Variants in ZNF483 observed in about 807,000 individuals in gnomAD.
ZNF483 encodes zinc finger protein 483, also known as zinc finger protein HIT-10.
A neutral mutation model predicts 28.6 loss-of-function variants in ZNF483; 9 were observed. The ratio of observed to expected loss-of-function variants is 0.32; its 90% CI spans 0.19 to 0.55. The LOEUF is 0.55. ZNF483 is among the 20% of genes least tolerant of loss of function. ZNF483 has a pLI of 0.93. For synonymous variants in ZNF483, 322 were observed against 306.2 expected (o/e 1.05, Z -0.54); for missense variants, 675 against 871.7 (o/e 0.77, Z 2.84).
chr9:111,547,552 T>C lies in ZNF483; in HGVS notation c.*4382T>C, dbSNP rs1827834953. The stretch of plus-strand genomic sequence containing the variant: ...TATATCCAGAATATATAAAGAACTT[T>C]TCAGATAAATGATTTGCAAATACTT... On this transcript the variant is annotated 3_prime_UTR_variant, in exon 6 of 6. Transcript: ENST00000309235. Among the ~76,000 whole-genome samples, 1 of 152,164 alleles carries C rather than the reference T, an allele frequency of 6.6e-6. No individual in the cohort carries two copies.
rs1828025615 is a variant in ZNF483 at position 111,553,298 on chromosome 9, T to C, written c.*10128T>C. On this transcript the variant is annotated 3_prime_UTR_variant, in exon 6 of 6. Transcript: ENST00000309235. ...TCTCTAGTCTTCTTGACTATGCCAG[T>C]TGTAGTACCAGCTTCTGTATCTGCA... Among the ~76,000 whole-genome samples, 1 of 152,222 alleles carries C rather than the reference T, an allele frequency of 6.6e-6. No homozygotes were observed. The highest frequency in any genetic ancestry group is 1.5e-5 in the Non-Finnish European group (1 of 68,040).
At chr9:111,573,436 G>T (rs1187408412) in intron 5 of ZNF483, among the ~76,000 whole-genome samples, 1 of 152,164 alleles carries the variant, frequency 6.6e-6, no homozygotes. Context: ...CAGTTGTGTG[G>T]TGGTTAACCA....
Position 111,547,867 on chromosome 9 carries a change from A to G in ZNF483, c.*4697A>G, listed in dbSNP as rs1227806297. Among the ~76,000 whole-genome samples, 1 of 152,100 alleles carries G rather than the reference A, an allele frequency of 6.6e-6. No individual in the cohort carries two copies. The highest frequency in any genetic ancestry group is 1.5e-5 in the Non-Finnish European group (1 of 67,994). ...GCGAATATCCAGTTTTCCCAGCCCCATCTGTTGAAGAGACTATCCTTTCCA... is the reference window on the plus strand; with the variant it reads ...GCGAATATCCAGTTTTCCCAGCCCCGTCTGTTGAAGAGACTATCCTTTCCA... On this transcript the variant is annotated 3_prime_UTR_variant, in exon 6 of 6. Coordinates refer to ENST00000309235, the MANE Select transcript of ZNF483 (RefSeq NM_133464.5).
intron 5 of ZNF483, chr9:111,564,274 AC>A: frequency 1.4e-6 from 1 of 729,590 alleles, no homozygotes; most frequent in Non-Finnish European, 1.8e-6. Flanking sequence ...TGAAATTTAA[AC>A]TTTTATTATT....
chr9:111,561,429 T>C (rs1328690801), intron 5 of ZNF483, among the ~76,000 whole-genome samples: 1 of 151,860 alleles, frequency 6.6e-6, no homozygotes, highest in Non-Finnish European at 1.5e-5. Context: ...GCACACACCA[T>C]GCCCAGCTAA....
In ZNF483 at chr9:111,543,668, A is replaced by C. The variant is rs1008436694; in HGVS notation, c.*498A>C. 5.6e-5 allele frequency: 55 copies of C among 981,546 alleles called. No individual in the cohort carries two copies. The African/African-American group carries it at 9.3e-4, about 17-fold the overall frequency. The allele number at this position is 981,546 out of a possible 1,614,324, so 60.8% of individuals were successfully genotyped here. A position where few individuals can be genotyped will look rare whatever the true frequency, so the allele number is the denominator to read the frequency against. On this transcript the variant is annotated 3_prime_UTR_variant, in exon 6 of 6. Coordinates refer to ENST00000309235, the MANE Select transcript of ZNF483 (RefSeq NM_133464.5). ...TTATTGGTATCCTGATAATCTCTGA[A>C]GCTGTGGACATAAGTTATTTTTTTT... is the stretch of plus-strand genomic sequence containing the variant.
In ZNF483 at chr9:111,552,537, C is replaced by T. The variant is rs537898956; in HGVS notation, c.*9367C>T. 7.9e-4 allele frequency among the ~76,000 whole-genome samples: 121 copies of T among 152,252 alleles called. No individual in the cohort carries two copies. The highest frequency in any genetic ancestry group is 2.6e-3 in the African/African-American group (108 of 41,562). On this transcript the variant is annotated 3_prime_UTR_variant, in exon 6 of 6. Coordinates refer to ENST00000309235, the MANE Select transcript of ZNF483 (RefSeq NM_133464.5). ...TGGAGTTCCATCCTTGTGATAGAAA[C>T]TAACTTTTCTGTCTCTAACTGAAAT...
chr9:111,561,269 GTTGTT>G (rs1453213734), intron 5 of ZNF483, among the ~76,000 whole-genome samples: 1 of 150,774 alleles, frequency 6.6e-6, no homozygotes, highest in African/African-American at 2.4e-5. Flanking sequence ...TGCTTTTGTT[GTTGTT>G]TTGTTTTTAA....
chr9:111,559,750 C>T (rs539576655), downstream of ZNF483, among the ~76,000 whole-genome samples: 7 of 152,334 alleles, frequency 4.6e-5, no homozygotes, highest in South Asian at 1.2e-3. Context: ...TCTCCCACCC[C>T]AAACCCCAGC....
chr9:111,563,760 C>T (rs79203838), intron 5 of ZNF483: 3,993 of 152,752 alleles, frequency 0.026, 99 homozygotes, highest in East Asian at 0.12. Flanking sequence ...CCTGCCTCGG[C>T]CTCCCAAAGT....
intron 5 of ZNF483, among the ~76,000 whole-genome samples, chr9:111,575,026 C>T (rs535337907): frequency 6.6e-6 from 1 of 152,300 alleles, no homozygotes; most frequent in East Asian, 1.9e-4. Context: ...TTCGGCCGGG[C>T]ACGGTGGCTT....
chr9:111,574,357 A>G (rs906816756), intron 5 of ZNF483: 1 of 153,150 alleles, frequency 6.5e-6, no homozygotes, highest in African/African-American at 2.4e-5. Flanking sequence ...TGTTTTTGTT[A>G]TTATTATTTT....
rs143136916 is a variant in ZNF483, at chr9:111,550,154, T to G, written c.*6984T>G. 8.0e-3 allele frequency among the ~76,000 whole-genome samples: 1,216 copies of G among 152,326 alleles called. 7 individuals are homozygous for G. Among genetic ancestry groups the G allele is most frequent in the Non-Finnish European group, 0.013 (904 of 68,022 alleles). On this transcript the variant is annotated 3_prime_UTR_variant, in exon 6 of 6. Coordinates refer to ENST00000309235, the MANE Select transcript of ZNF483 (RefSeq NM_133464.5). Reference sequence around the variant, plus strand: ...CCTGTGTTGAATGCCTAAAGTTGTCTCAATTCTTTACAGAGCCTGCGTTTT... The same window carrying G: ...CCTGTGTTGAATGCCTAAAGTTGTCGCAATTCTTTACAGAGCCTGCGTTTT...
chr9:111,542,711 A>G lies in ZNF483; in HGVS notation c.1776A>G (p.Ser592=), dbSNP rs777120066. The G allele has an allele frequency of 1.9e-5, 31 of 1,613,994 alleles. No individual in the cohort carries two copies. Among genetic ancestry groups the G allele is most frequent in the Non-Finnish European group, 1.5e-5 (18 of 1,179,964 alleles). The change falls in exon 6 of 6, where the codon TCA becomes TCG. Residue 592 remains serine (S), a synonymous_variant. Transcript: ENST00000309235. The surrounding 1 kb of genome is among the most constrained non-coding windows in gnomAD (Gnocchi z 6.2). ...GECGKAFRQN[S]CLTRHQRIHT... is the part of the protein sequence containing the mutation. ...GTGGAAAAGCCTTTAGGCAGAATTCATGCCTTACCCGGCATCAGAGAATTC... is the reference window on the plus strand; with the variant it reads ...GTGGAAAAGCCTTTAGGCAGAATTCGTGCCTTACCCGGCATCAGAGAATTC...
At chr9:111,571,650 T>C (rs1443248666) in intron 5 of ZNF483, among the ~76,000 whole-genome samples, 1 of 142,106 alleles carries the variant, frequency 7.0e-6, no homozygotes, top group African/African-American at 2.4e-5. Flanking sequence ...GCTAATTTTT[T>C]TTAGTTTTTG....
chr9:111,546,805 A>G lies in ZNF483; in HGVS notation c.*3635A>G, dbSNP rs1235159397. Among the ~76,000 whole-genome samples the G allele has an allele frequency of 2.0e-5, 3 of 152,208 alleles. No individual in the cohort carries two copies. Among genetic ancestry groups the G allele is most frequent in the East Asian group, 1.9e-4 (1 of 5,190 alleles). ...TCTCCAGAACTTTTTCATCATCCCA[A>G]ACTGAAACTCTGTACTCCTTAAACA... On this transcript the variant is annotated 3_prime_UTR_variant, in exon 6 of 6. Transcript: ENST00000309235.
chr9:111,554,042 A>G lies in ZNF483; in HGVS notation c.*10872A>G, dbSNP rs1304982042. ...AGCACTAGCCTAGAAACAGCTGAGA[A>G]CCACAGGTTTCAAACTCGGTGCCAA... On this transcript the variant is annotated 3_prime_UTR_variant, in exon 6 of 6. Transcript: ENST00000309235. 6.6e-6 allele frequency among the ~76,000 whole-genome samples: 1 copy of G among 152,202 alleles called. No individual in the cohort carries two copies. The highest frequency in any genetic ancestry group is 2.4e-5 in the African/African-American group (1 of 41,450).
intron 5 of ZNF483, among the ~76,000 whole-genome samples, chr9:111,536,040 C>T (rs1010360901): frequency 6.6e-6 from 1 of 151,098 alleles, no homozygotes; most frequent in Non-Finnish European, 1.5e-5. Flanking sequence ...AGGCACGCGC[C>T]ACCACGCCCA....
At chr9:111,534,404 C>A in intron 5 of ZNF483, 51 bp downstream of exon 5, 1 of 1,481,994 alleles carries the variant, frequency 6.7e-7, no homozygotes, top group Non-Finnish European at 9.4e-7. Flanking sequence ...TTTAGCAAGT[C>A]TGTTGAGAAG....
Sources: allele counts gnomAD v4.1 joint callset (sites outside exome capture counted in the v4.1 genomes callset), GRCh38; gene constraint gnomAD v4.1.1; non-coding constraint Gnocchi (gnomAD v3.1); transcripts MANE v1.5; gene names NCBI Gene and HGNC (gene_info 2026-07-23, HGNC 2026-07-21).